LMTK3: variants seen among roughly 807,000 people sequenced by gnomAD.
The protein encoded by LMTK3 is lemur tail kinase 3, also known as serine/threonine-protein kinase LMTK3.
Under a neutral mutation model 116.7 loss-of-function variants are expected in LMTK3, and 27 were observed. The ratio of observed to expected loss-of-function variants is 0.23; its 90% CI spans 0.17 to 0.32. The LOEUF (loss-of-function observed/expected upper bound fraction) is 0.32. LMTK3 is among the 10% of genes least tolerant of loss of function. LMTK3 has a pLI of 1.00. For missense variants in LMTK3, 1,764 were observed against 2,068.5 expected, an observed-to-expected ratio of 0.85 and a Z score of 2.86; for synonymous variants, 965 against 971.0, an observed-to-expected ratio of 0.99 and a Z score of 0.11.
chr19:48,508,583 C>A (rs1972607170), intron 5 of LMTK3, among the ~76,000 whole-genome samples: 1 of 152,156 alleles, frequency 6.6e-6, no homozygotes, highest in African/African-American at 2.4e-5. Flanking sequence ...CCTGGACTCA[C>A]TTTCCAGATG....
intron 12 of LMTK3, 76 bp downstream of exon 12, chr19:48,493,618 C>T (rs1972267557): frequency 6.8e-7 from 1 of 1,477,092 alleles, no homozygotes; most frequent in Non-Finnish European, 9.0e-7. Context: ...CGGCCTCCCG[C>T]CAGGCCCTTC....
upstream of LMTK3, among the ~76,000 whole-genome samples, chr19:48,512,075 G>T (rs938718006): frequency 6.6e-6 from 1 of 151,964 alleles, no homozygotes; most frequent in Non-Finnish European, 1.5e-5. Flanking sequence ...CAGGGCCCAC[G>T]GGTGCCTGGC....
rs553080544 is a variant in LMTK3 at position 48,509,667 on chromosome 19, T to C, written c.362-154A>G. The stretch of plus-strand genomic sequence containing the variant: ...CCATGTCAGAATCTCAGCTTCCTCA[T>C]TGGCTGCTCACAAGGCTCCAGCATC... On this transcript the variant is annotated intron_variant, in intron 3 of 14. Coordinates refer to ENST00000600059, the MANE Select transcript of LMTK3 (RefSeq NM_001388485.1). Among the ~76,000 whole-genome samples, 9 of 152,304 alleles carry C rather than the reference T, an allele frequency of 5.9e-5. No homozygotes were observed. In the East Asian group the frequency reaches 9.6e-4, roughly 16 times the overall value.
chr19:48,485,698 T>G lies in LMTK3; in HGVS notation c.*75A>C, dbSNP rs1972110501. The G allele has an allele frequency of 2.0e-6, 3 of 1,513,738 alleles. No homozygotes were observed. The highest frequency in any genetic ancestry group is 1.8e-4 in the Middle Eastern group (1 of 5,654). The allele number at this position is 1,513,738 out of a possible 1,614,324, so 93.8% of individuals were successfully genotyped here. A position where few individuals can be genotyped will look rare whatever the true frequency, so the allele number is the denominator to read the frequency against. ...GAGGCGGCGTCTGCGGTGGTGGCAGTGGCGCCGTCATCCACAGAGGATTCC... is the reference window on the plus strand; with the variant it reads ...GAGGCGGCGTCTGCGGTGGTGGCAGGGGCGCCGTCATCCACAGAGGATTCC... On this transcript the variant is annotated 3_prime_UTR_variant, in exon 15 of 15. Coordinates refer to ENST00000600059, the MANE Select transcript of LMTK3 (RefSeq NM_001388485.1).
At chr19:48,509,067 C>A in intron 4 of LMTK3, 98 bp from the exon 5 acceptor site, 3 of 773,578 alleles carry the variant, frequency 3.9e-6, no homozygotes, top group African/African-American at 1.7e-5. Flanking sequence ...ACCCCCGGCT[C>A]CTTCCCAGCT....
chr19:48,505,255 A>G (rs111613339), intron 5 of LMTK3, among the ~76,000 whole-genome samples: 2,162 of 151,752 alleles, frequency 0.014, 53 homozygotes, highest in African/African-American at 0.05. Flanking sequence ...CTGGGATTAC[A>G]GGCATGTGCC....
chr19:48,509,233 A>G (rs1471609750), intron 4 of LMTK3, among the ~76,000 whole-genome samples: 1 of 138,304 alleles, frequency 7.2e-6, no homozygotes, highest in Non-Finnish European at 1.6e-5. Flanking sequence ...CAATGGAGTG[A>G]GGAGGGAGGC....
At position 48,485,705 on chromosome 19, in the gene LMTK3, G is replaced by A. The variant is rs1410742245; in HGVS notation, c.*68C>T. The A allele has an allele frequency of 1.2e-5, 18 of 1,550,680 alleles. No individual in the cohort carries two copies. Among genetic ancestry groups the A allele is most frequent in the African/African-American group, 2.7e-5 (2 of 73,576 alleles). On this transcript the variant is annotated 3_prime_UTR_variant, in exon 15 of 15. Coordinates refer to ENST00000600059, the MANE Select transcript of LMTK3 (RefSeq NM_001388485.1). ...CGTCTGCGGTGGTGGCAGTGGCGCC[G>A]TCATCCACAGAGGATTCCATTCTCA...
chr19:48,505,103 C>CTCTCTCT (rs1555901916), intron 5 of LMTK3, among the ~76,000 whole-genome samples: 15 of 55,576 alleles, frequency 2.7e-4, no homozygotes, highest in Non-Finnish European at 8.8e-5. Flanking sequence ...CTCTCTCTCT[C>CTCTCTCT]TTTTTTTTTT....
At chr19:48,488,054 G>A (rs1039635432) in intron 14 of LMTK3, among the ~76,000 whole-genome samples, 34 of 152,096 alleles carry the variant, frequency 2.2e-4, no homozygotes, top group Non-Finnish European at 1.0e-4. Context: ...TTTGTCAACT[G>A]AGCGAAAGGA....
Position 48,511,689 on chromosome 19 carries a change from G to T in LMTK3, c.-113C>A. 2.0e-6 allele frequency: 1 copy of T among 507,178 alleles called. No homozygotes were observed. The highest frequency in any genetic ancestry group is 3.4e-6 in the Non-Finnish European group (1 of 291,290). The allele number at this position is 507,178 out of a possible 1,614,324, so 31.4% of individuals were successfully genotyped here. On this transcript the variant is annotated 5_prime_UTR_variant, in exon 1 of 15. In the 5' UTR this introduces an upstream ATG that the reference lacks. Transcript: ENST00000600059. ...GCGACCCTGGCCTCCTCCCGGCCCA[G>T]GAGAGGGGCAGGAGACGCAGGACAG...
chr19:48,491,606 A>G lies in LMTK3; in HGVS notation c.4093-67T>C. ...TCACGTCCCATTTACCGCATCCCCC[A>G]AAAGCAACAAAACCGGCTAATATTT... is the stretch of plus-strand genomic sequence containing the variant. On this transcript the variant is annotated intron_variant, in intron 12 of 14. Transcript: ENST00000600059. The surrounding 1 kb of genome is among the most constrained non-coding windows in gnomAD (Gnocchi z 5.1). 8.0e-7 allele frequency: 1 copy of G among 1,247,300 alleles called. No individual in the cohort carries two copies. Among genetic ancestry groups the G allele is most frequent in the Admixed American group, 4.1e-5 (1 of 24,454 alleles). The allele number at this position is 1,247,300 out of a possible 1,614,324, so 77.3% of individuals were successfully genotyped here.
At chr19:48,495,886 G>A (rs1972314300) in intron 11 of LMTK3, among the ~76,000 whole-genome samples, 1 of 152,152 alleles carries the variant, frequency 6.6e-6, no homozygotes, top group African/African-American at 2.4e-5. Context: ...TTTCTCTGTG[G>A]CAAAATACTT....
At chr19:48,510,834 T>C (rs9989661) in intron 1 of LMTK3, among the ~76,000 whole-genome samples, 32,549 of 151,986 alleles carry the variant, frequency 0.21, 6,176 homozygotes, top group East Asian at 0.52. Context: ...CGCCACCTCA[T>C]CCCACCCCAT....
At chr19:48,501,709 G>C (rs770726977) in intron 7 of LMTK3, 147 bp from the exon 8 acceptor site, 168 of 826,374 alleles carry the variant, frequency 2.0e-4, no homozygotes, top group Non-Finnish European at 3.0e-4. Flanking sequence ...TCTCCCCTCT[G>C]ACTGCTTTCA....
chr19:48,487,548 C>T (rs374975683), intron 14 of LMTK3, among the ~76,000 whole-genome samples: 37 of 152,248 alleles, frequency 2.4e-4, no homozygotes, highest in African/African-American at 8.2e-4. Flanking sequence ...ACAGGAGCTG[C>T]GGTCACTGCT....
rs552371704 is a variant in LMTK3, at chr19:48,498,606, C to T, written c.2463G>A (p.Pro821=). 20 of 1,546,100 alleles carry T rather than the reference C, an allele frequency of 1.3e-5. No individual in the cohort carries two copies. The highest frequency in any genetic ancestry group is 3.6e-5 in the South Asian group (3 of 84,128). ...GGTCGGGTGGCTCGGGGGGAGCCCG[C>T]GGCCGAGGGACCCCTTCCTCCTCGG... ...GAAEEEGVPR[P]RAPPEPPDPG... The change falls in exon 11 of 15, where the codon CCG becomes CCA. Residue 821 remains proline, a synonymous_variant. Transcript: ENST00000600059.
At chr19:48,509,931 C>G in intron 3 of LMTK3, 92 bp downstream of exon 3, 1 of 1,449,556 alleles carries the variant, frequency 6.9e-7, no homozygotes, top group African/African-American at 1.4e-5. Context: ...TGCCGCTGGT[C>G]TCAACCGCCC....
Position 48,493,955 on chromosome 19 carries a change from GTCC to G in LMTK3, c.3828_3830del (p.Glu1276del), listed in dbSNP as rs1247835886. The G allele has an allele frequency of 1.9e-6, 2 of 1,040,486 alleles. No individual in the cohort carries two copies. The highest frequency in any genetic ancestry group is 1.2e-6 in the Non-Finnish European group (1 of 869,486). The allele number at this position is 1,040,486 out of a possible 1,614,324, so 64.5% of individuals were successfully genotyped here. On this transcript the variant is annotated inframe_deletion, in exon 12 of 15. Transcript: ENST00000600059. ...CCTCGTCCTCGTCCTCGTCCTCCCCGTCCTCCTCCGCCGGCCCCGGCGCTCCCG... is the reference window on the plus strand; with the variant it reads ...CCTCGTCCTCGTCCTCGTCCTCCCCGTCCTCCGCCGGCCCCGGCGCTCCCG...
Sources: gnomAD v4.1 joint callset for allele counts (sites outside exome capture counted in the v4.1 genomes callset) on GRCh38, gnomAD v4.1.1 for gene constraint, Gnocchi (gnomAD v3.1) non-coding constraint, MANE v1.5 for transcripts, NCBI Gene and HGNC (gene_info 2026-07-23, HGNC 2026-07-21) for gene names.